IL23R: variants seen among roughly 807,000 people sequenced by gnomAD.
IL23R encodes the protein interleukin-23 receptor.
A neutral mutation model predicts 56.9 loss-of-function variants in IL23R; 34 were observed. The observed-to-expected ratio is 0.60, with a 90% CI of 0.45 to 0.80. The LOEUF is 0.80. Ranked by LOEUF, IL23R falls within the 30% of genes least tolerant of loss-of-function variation. IL23R has a pLI of 0.00. For missense variants in IL23R, 635 were observed against 730.0 expected (o/e 0.87, Z 1.50); for synonymous variants, 230 against 249.2 (o/e 0.92, Z 0.73).
intron 3 of IL23R, among the ~76,000 whole-genome samples, chr1:67,179,814 T>A (rs62018172): frequency 6.6e-6 from 1 of 152,210 alleles, no homozygotes; most frequent in Non-Finnish European, 1.5e-5. Context: ...TTCGGGTATG[T>A]TGTGTCTTTG....
chr1:67,160,626 A>G (rs986058678), intron 1 of IL23R, among the ~76,000 whole-genome samples: 5 of 152,356 alleles, frequency 3.3e-5, no homozygotes, highest in East Asian at 1.9e-4. Context: ...GAATGAGAAG[A>G]TCTGCAAAAC....
At chr1:67,258,250 T>C (rs1653057751) in intron 10 of IL23R, among the ~76,000 whole-genome samples, 1 of 152,162 alleles carries the variant, frequency 6.6e-6, no homozygotes, top group Admixed American at 6.6e-5. Flanking sequence ...AGTGGATTAT[T>C]TTTACTATTC....
chr1:67,237,465 A>G (rs968269933), intron 8 of IL23R, among the ~76,000 whole-genome samples: 4 of 152,196 alleles, frequency 2.6e-5, no homozygotes, highest in Non-Finnish European at 4.4e-5. Context: ...AACCCATGAG[A>G]TAAGTGTTAC....
Position 67,258,816 on chromosome 1 carries a change from G to A in IL23R, c.1578G>A (p.Lys526=), listed in dbSNP as rs751326080. The part of the protein sequence containing the change: ...LDSGNNPRLQ[K]HPNFAFSVSS... Reference sequence around the variant, plus strand: ...CAGGAAATAATCCCAGGTTACAAAAGCATCCTAATTTTGCTTTTTCTGTTT... The same window carrying A: ...CAGGAAATAATCCCAGGTTACAAAAACATCCTAATTTTGCTTTTTCTGTTT... The change falls in exon 11 of 11, where the codon AAG becomes AAA. Residue 526 remains lysine (K), a synonymous_variant. Transcript: ENST00000347310. The A allele has an allele frequency of 5.6e-6, 9 of 1,612,030 alleles. 1 individual carries two copies. The South Asian group carries it at 9.9e-5, about 18-fold the overall frequency.
intron 3 of IL23R, among the ~76,000 whole-genome samples, chr1:67,182,358 G>T (rs571840262): frequency 1.3e-5 from 2 of 152,148 alleles, no homozygotes; most frequent in Non-Finnish European, 2.9e-5. Context: ...TCCCAGCCTC[G>T]CTGCCACCTT....
intron 4 of IL23R, 39 bp downstream of exon 4, chr1:67,182,998 C>T (rs774727277): frequency 6.2e-7 from 1 of 1,612,084 alleles, no homozygotes; most frequent in Non-Finnish European, 8.5e-7. Flanking sequence ...AGCAGTTCCA[C>T]CCCAGTTCAG....
intron 7 of IL23R, among the ~76,000 whole-genome samples, chr1:67,230,762 T>C (rs571739452): frequency 2.6e-5 from 4 of 152,322 alleles, no homozygotes; most frequent in Admixed American, 1.3e-4. Flanking sequence ...GAGTTTGTTC[T>C]GACACACCGT....
At chr1:67,220,178 G>T (rs561030553) in intron 7 of IL23R, among the ~76,000 whole-genome samples, 3 of 152,060 alleles carry the variant, frequency 2.0e-5, no homozygotes, top group Admixed American at 2.0e-4. Flanking sequence ...AGACCTCCTC[G>T]GCCGACATGG....
chr1:67,248,571 A>G (rs1225000563), intron 9 of IL23R, among the ~76,000 whole-genome samples: 5 of 152,138 alleles, frequency 3.3e-5, no homozygotes, highest in Non-Finnish European at 7.3e-5. Context: ...GCTTTAACTC[A>G]GAGGAGTTTG....
At chr1:67,232,732 AAC>A (rs1651178067) in intron 7 of IL23R, among the ~76,000 whole-genome samples, 1 of 152,150 alleles carries the variant, frequency 6.6e-6, no homozygotes, top group African/African-American at 2.4e-5. Context: ...AGGATGACAA[AAC>A]ACACTTTGCC....
chr1:67,260,126 C>T (rs932527769), downstream of IL23R: 3 of 152,100 alleles, frequency 2.0e-5, no homozygotes, highest in Non-Finnish European at 2.9e-5. Context: ...AGAAGTTAGT[C>T]GTTTGCTGTA....
At chr1:67,154,952 G>GCTTC (rs1646759138) in intron 1 of IL23R, among the ~76,000 whole-genome samples, 1 of 152,068 alleles carries the variant, frequency 6.6e-6, no homozygotes, top group Non-Finnish European at 1.5e-5. Flanking sequence ...CATATTCAGT[G>GCTTC]CTTCCTTCAG....
At chr1:67,209,651 G>A (rs1039751191) in intron 6 of IL23R, among the ~76,000 whole-genome samples, 7 of 152,092 alleles carry the variant, frequency 4.6e-5, no homozygotes, top group African/African-American at 1.7e-4. Flanking sequence ...TTTCTTCCCA[G>A]TCTCCAGTGT....
chr1:67,258,623 A>C lies in IL23R; in HGVS notation c.1385A>C (p.Asp462Ala). The change falls in exon 11 of 11, where the codon GAC (aspartate) becomes GCC (alanine). Residue 462 changes from aspartate (D) to alanine (A), a missense_variant. Physicochemically the swap from Asp to Ala is moderately radical, Grantham distance 126. Coordinates refer to ENST00000347310, the MANE Select transcript of IL23R (RefSeq NM_144701.3). ...AATACAGGACCCCTGGAGACAAGAG[A>C]CTACCCGCAAAACTCGCTATTCGAC... Reference protein sequence around the residue: ...KENTGPLETRDYPQNSLFDNT... With the variant: ...KENTGPLETRAYPQNSLFDNT... 2 of 1,613,866 alleles carry C rather than the reference A, an allele frequency of 1.2e-6. No individual in the cohort carries two copies. The highest frequency in any genetic ancestry group is 1.7e-6 in the Non-Finnish European group (2 of 1,179,936).
intron 3 of IL23R, among the ~76,000 whole-genome samples, chr1:67,174,482 A>G (rs987251016): frequency 6.6e-6 from 1 of 151,920 alleles, no homozygotes; most frequent in Non-Finnish European, 1.5e-5. Context: ...TGTACTTAAG[A>G]TAAATCTTTG....
chr1:67,214,554 C>G (rs1649704403), intron 6 of IL23R, among the ~76,000 whole-genome samples: 1 of 152,172 alleles, frequency 6.6e-6, no homozygotes, highest in Non-Finnish European at 1.5e-5. Context: ...CCAAGATGGC[C>G]TATGTAGCAC....
At chr1:67,169,138 CAAAAAAAAAA>C (rs5774855) in intron 2 of IL23R, among the ~76,000 whole-genome samples, 194 bp from the exon 3 acceptor site, 3 of 81,300 alleles carry the variant, frequency 3.7e-5, no homozygotes, top group Non-Finnish European at 4.6e-5. Context: ...GAGACTGTCT[CAAAAAAAAAA>C]AAAAAAAAAA....
rs572195096 is a variant in IL23R, at chr1:67,257,916, C to G, written c.1240-562C>G. On this transcript the variant is annotated intron_variant, in intron 10 of 10. Transcript: ENST00000347310. ...ACAGGGTTTCACCATGTTGGCCAGGCTGGTCTTGAACTCCTGATCTCAAGT... is the reference window on the plus strand; with the variant it reads ...ACAGGGTTTCACCATGTTGGCCAGGGTGGTCTTGAACTCCTGATCTCAAGT... Among the ~76,000 whole-genome samples the G allele has an allele frequency of 1.6e-3, 249 of 152,180 alleles. 1 individual carries two copies. Among genetic ancestry groups the G allele is most frequent in the Non-Finnish European group, 2.7e-3 (183 of 68,008 alleles).
chr1:67,160,319 A>G (rs1240470654), intron 1 of IL23R, among the ~76,000 whole-genome samples: 1 of 152,206 alleles, frequency 6.6e-6, no homozygotes, highest in Non-Finnish European at 1.5e-5. Context: ...AAAAACAAAA[A>G]CAGAAAATAC....
Sources: gnomAD v4.1 joint callset for allele counts (sites outside exome capture counted in the v4.1 genomes callset) on GRCh38, gnomAD v4.1.1 for gene constraint, MANE v1.5 for transcripts, NCBI Gene and HGNC (gene_info 2026-07-23, HGNC 2026-07-21) for gene names.